The following ZNF594 variants were observed in gnomAD, a reference collection of about 807,000 sequenced individuals.
ZNF594 encodes the protein zinc finger protein 594.
For synonymous variants in ZNF594, 336 were observed against 309.4 expected (o/e 1.09, Z -0.90); for missense variants, 1,037 against 964.6 (o/e 1.08, Z -0.99).
Position 5,182,714 on chromosome 17 carries a change from G to T in ZNF594, c.1543C>A (p.Pro515Thr). ...TTCCCACATTCCTTACATTCATAGG[G>T]TTTCTCACCACTATGAATTCTCCGA... is the stretch of plus-strand genomic sequence containing the variant. ...QHRRIHSGEKPYECKECGKLF... is the reference protein window; with the variant it reads ...QHRRIHSGEKTYECKECGKLF... Residue 515 changes from proline (P) to threonine (T), a missense_variant, in exon 2 of 2, where the codon CCC (proline) becomes ACC (threonine). Pro to Thr is a conservative substitution (Grantham distance 38). Transcript: ENST00000575779. 1 of 1,613,930 alleles carries T rather than the reference G, an allele frequency of 6.2e-7. No individual in the cohort carries two copies. Among genetic ancestry groups the T allele is most frequent in the African/African-American group, 1.3e-5 (1 of 74,952 alleles).
At chr17:5,188,612 G>T (rs888608115) in intron 1 of ZNF594, among the ~76,000 whole-genome samples, 8 of 152,018 alleles carry the variant, frequency 5.3e-5, no homozygotes, top group Non-Finnish European at 1.5e-5. Flanking sequence ...AGAATACAAA[G>T]AAATTAATAG....
At position 5,181,584 on chromosome 17, in the gene ZNF594, C is replaced by T. The variant is rs141983782; in HGVS notation, c.*249G>A. On this transcript the variant is annotated 3_prime_UTR_variant, in exon 2 of 2. Transcript: ENST00000575779. ...GGGTTTCTCACCACTATGAATTCTCCGACGTTGAATAAGGAGTGAACGCCG... is the reference window on the plus strand; with the variant it reads ...GGGTTTCTCACCACTATGAATTCTCTGACGTTGAATAAGGAGTGAACGCCG... 52 of 1,613,314 alleles carry T rather than the reference C, an allele frequency of 3.2e-5. No individual in the cohort carries two copies. The highest frequency in any genetic ancestry group is 1.3e-4 in the African/African-American group (10 of 74,962).
In ZNF594 at chr17:5,179,917, T is replaced by C. The variant is rs965056972; in HGVS notation, c.*1916A>G. The C allele has an allele frequency of 6.6e-6, 1 of 151,996 alleles. No homozygotes were observed. The highest frequency in any genetic ancestry group is 1.5e-5 in the Non-Finnish European group (1 of 67,988). The allele number at this position is 151,996 out of a possible 1,614,324, so 9.4% of individuals were successfully genotyped here. On this transcript the variant is annotated 3_prime_UTR_variant, in exon 2 of 2. Transcript: ENST00000575779. ...ACATAATCTTTTAAGACACAGGACA[T>C]AGGGGAGTAAAAAGAAGGCCTTGGT...
At chr17:5,191,306 A>G (rs2074422409) in intron 1 of ZNF594, 1 of 152,252 alleles carries the variant, frequency 6.6e-6, no homozygotes, top group Non-Finnish European at 1.5e-5. Flanking sequence ...AACAGTCCTA[A>G]TATTTTAGAC....
In ZNF594 at chr17:5,181,989, C is replaced by G. The variant is rs768567112; in HGVS notation, c.2268G>C (p.Gln756His). 6.2e-7 allele frequency: 1 copy of G among 1,613,332 alleles called. No homozygotes were observed. The highest frequency in any genetic ancestry group is 1.3e-5 in the African/African-American group (1 of 74,410). ...GATTACACCAATAAACTTTCTTTTC[C>G]TGGTGAGTTCTCTGCTCTTTTCTAA... The part of the protein sequence containing the change: ...EELRKEQRTH[Q>H]EKKVYWCNQC... Residue 756 changes from glutamine (Q) to histidine (H), a missense_variant, in exon 2 of 2, where the codon CAG (glutamine) becomes CAC (histidine). Gln to His is a conservative substitution (Grantham distance 24). Coordinates refer to ENST00000575779, the MANE Select transcript of ZNF594 (RefSeq NM_032530.2).
Position 5,181,538 on chromosome 17 carries a change from C to T in ZNF594, c.*295G>A. The T allele has an allele frequency of 6.2e-7, 1 of 1,613,938 alleles. No homozygotes were observed. Among genetic ancestry groups the T allele is most frequent in the Non-Finnish European group, 8.5e-7 (1 of 1,179,886 alleles). On this transcript the variant is annotated 3_prime_UTR_variant, in exon 2 of 2. Coordinates refer to ENST00000575779, the MANE Select transcript of ZNF594 (RefSeq NM_032530.2). ...AAGCTGTGTGCCACATGAAGAGTTT[C>T]CCACATTCCTTACATTCATAGGGTT...
In ZNF594 at chr17:5,181,244, A is replaced by C; in HGVS notation, c.*589T>G. ...TGTTGCATACATAAGGTTTTTCTCC[A>C]CTGTGAATTCTATGATGTCTCAGAA... On this transcript the variant is annotated 3_prime_UTR_variant, in exon 2 of 2. Transcript: ENST00000575779. The C allele has an allele frequency of 6.2e-7, 1 of 1,612,304 alleles. No individual in the cohort carries two copies. The highest frequency in any genetic ancestry group is 8.5e-7 in the Non-Finnish European group (1 of 1,178,388).
At position 5,181,227 on chromosome 17, in the gene ZNF594, A is replaced by G. The variant is rs761700975; in HGVS notation, c.*606T>C. The G allele has an allele frequency of 6.2e-7, 1 of 1,612,114 alleles. No individual in the cohort carries two copies. Among genetic ancestry groups the G allele is most frequent in the East Asian group, 2.2e-5 (1 of 44,864 alleles). ...AAAAGATTTCCCACATTTGTTGCAT[A>G]CATAAGGTTTTTCTCCACTGTGAAT... On this transcript the variant is annotated 3_prime_UTR_variant, in exon 2 of 2. Transcript: ENST00000575779.
chr17:5,190,073 A>G (rs548655333), intron 1 of ZNF594, among the ~76,000 whole-genome samples: 2 of 152,352 alleles, frequency 1.3e-5, no homozygotes, highest in Admixed American at 6.5e-5. Flanking sequence ...CCTAAAGAAA[A>G]GAGCAAACAC....
intron 1 of ZNF594, among the ~76,000 whole-genome samples, chr17:5,184,884 T>C (rs954577798): frequency 2.0e-5 from 3 of 152,222 alleles, no homozygotes; most frequent in Admixed American, 1.3e-4. Context: ...CAAAGATGGG[T>C]GGATCTGGAG....
At chr17:5,184,415 G>A (rs1223491284) in intron 1 of ZNF594, 139 bp from the exon 2 acceptor site, 36 of 873,536 alleles carry the variant, frequency 4.1e-5, no homozygotes, top group Non-Finnish European at 5.9e-5. Flanking sequence ...TTTCACTAGC[G>A]ACACTGTGGC....
chr17:5,179,018 C>G (rs1181869793), downstream of ZNF594, among the ~76,000 whole-genome samples: 1 of 151,870 alleles, frequency 6.6e-6, no homozygotes, highest in African/African-American at 2.4e-5. Context: ...CGTCGCTTCA[C>G]TAACTTATTT....
At chr17:5,191,070 C>T (rs191341513) in intron 1 of ZNF594, among the ~76,000 whole-genome samples, 83 of 152,220 alleles carry the variant, frequency 5.5e-4, no homozygotes, top group Non-Finnish European at 7.4e-5. Context: ...CCCCCCTCCC[C>T]TATTTAGACC....
At chr17:5,177,063 G>C (rs2074312793), downstream of ZNF594, among the ~76,000 whole-genome samples, 1 of 151,930 alleles carries the variant, frequency 6.6e-6, no homozygotes, top group African/African-American at 2.4e-5. Flanking sequence ...AGGCGGGGTG[G>C]CGGGTGCCTG....
intron 1 of ZNF594, among the ~76,000 whole-genome samples, chr17:5,189,073 A>G (rs960644268): frequency 5.9e-5 from 9 of 151,460 alleles, no homozygotes; most frequent in African/African-American, 1.9e-4. Context: ...TAATTTAAAA[A>G]AAAATATTGA....
chr17:5,181,578 A>T lies in ZNF594; in HGVS notation c.*255T>A, dbSNP rs369954426. 1 of 1,613,596 alleles carries T rather than the reference A, an allele frequency of 6.2e-7. No homozygotes were observed. The highest frequency in any genetic ancestry group is 2.2e-5 in the East Asian group (1 of 44,852). ...TTCATAGGGTTTCTCACCACTATGA[A>T]TTCTCCGACGTTGAATAAGGAGTGA... On this transcript the variant is annotated 3_prime_UTR_variant, in exon 2 of 2. Coordinates refer to ENST00000575779, the MANE Select transcript of ZNF594 (RefSeq NM_032530.2).
intron 1 of ZNF594, among the ~76,000 whole-genome samples, chr17:5,189,323 C>A (rs1322568006): frequency 6.6e-6 from 1 of 150,660 alleles, no homozygotes; most frequent in Non-Finnish European, 1.5e-5. Flanking sequence ...TCATGGTTCA[C>A]TGCAGCCTTG....
In ZNF594 at chr17:5,180,872, T is replaced by C; in HGVS notation, c.*961A>G. 2.1e-6 allele frequency: 1 copy of C among 485,886 alleles called. No individual in the cohort carries two copies. The highest frequency in any genetic ancestry group is 1.9e-5 in the African/African-American group (1 of 51,416). The allele number at this position is 485,886 out of a possible 1,614,324, so 30.1% of individuals were successfully genotyped here. A position where few individuals can be genotyped will look rare whatever the true frequency, so the allele number is the denominator to read the frequency against. ...GTTTTTTTCTAATAAAACTCATTTGTAGTGCAATAAGATGTGGTCTCCATC... is the reference window on the plus strand; with the variant it reads ...GTTTTTTTCTAATAAAACTCATTTGCAGTGCAATAAGATGTGGTCTCCATC... On this transcript the variant is annotated 3_prime_UTR_variant, in exon 2 of 2. Transcript: ENST00000575779.
chr17:5,176,039 G>A (rs769122401), downstream of ZNF594, among the ~76,000 whole-genome samples: 8 of 152,036 alleles, frequency 5.3e-5, no homozygotes, highest in Non-Finnish European at 1.2e-4. Context: ...TTGCTACACC[G>A]ACGCTAAAAG....
Sources: gnomAD v4.1 joint callset for allele counts (sites outside exome capture counted in the v4.1 genomes callset) on GRCh38, gnomAD v4.1.1 for gene constraint, MANE v1.5 for transcripts, NCBI Gene and HGNC (gene_info 2026-07-23, HGNC 2026-07-21) for gene names.